The following AGBL4 variants were observed in gnomAD, a reference collection of about 807,000 sequenced individuals.
AGBL4 encodes the protein AGBL carboxypeptidase 4.
In AGBL4, 58 loss-of-function variants were observed where a neutral mutation model predicts 66.4. That is an observed-to-expected ratio of 0.87 (90% CI 0.71 to 1.09). The LOEUF is 1.09. Ranked by LOEUF, AGBL4 falls within the 50% of genes least tolerant of loss-of-function variation. The pLI, the probability that AGBL4 is intolerant of heterozygous loss-of-function variation, is 0.00. For missense variants in AGBL4, 579 were observed against 631.0 expected (o/e 0.92, Z 0.88); for synonymous variants, 234 against 222.9 (o/e 1.05, Z -0.44).
intron 1 of AGBL4, among the ~76,000 whole-genome samples, chr1:49,939,036 C>T (rs1654443959): frequency 6.6e-6 from 1 of 152,192 alleles, no homozygotes; most frequent in East Asian, 1.9e-4. Context: ...ACAAAAATCA[C>T]AAGCATTCTT....
chr1:49,740,641 T>G (rs1020646792), intron 2 of AGBL4, among the ~76,000 whole-genome samples: 1 of 152,138 alleles, frequency 6.6e-6, no homozygotes, highest in African/African-American at 2.4e-5. Context: ...ATTGACCATA[T>G]AGTAGGAAAT....
chr1:49,441,360 T>C (rs565797817), intron 3 of AGBL4, among the ~76,000 whole-genome samples: 1 of 152,318 alleles, frequency 6.6e-6, no homozygotes, highest in African/African-American at 2.4e-5. Context: ...GCATTTAATG[T>C]TGCAGCTCCA....
chr1:49,785,488 T>G (rs1039470131), intron 2 of AGBL4, among the ~76,000 whole-genome samples: 2 of 152,064 alleles, frequency 1.3e-5, no homozygotes, highest in East Asian at 3.8e-4. Context: ...TTTAGAAATT[T>G]TTTAAATCAT....
intron 10 of AGBL4, among the ~76,000 whole-genome samples, chr1:48,587,793 C>A (rs1364516127): frequency 6.6e-6 from 1 of 151,424 alleles, no homozygotes; most frequent in Non-Finnish European, 1.5e-5. Flanking sequence ...CAGGTGCCCA[C>A]CACCACGACT....
intron 6 of AGBL4, among the ~76,000 whole-genome samples, chr1:48,770,535 C>A (rs1008131957): frequency 1.3e-5 from 2 of 152,156 alleles, no homozygotes; most frequent in Non-Finnish European, 2.9e-5. Context: ...TCTGCACTCT[C>A]TCCCACTGTA....
intron 3 of AGBL4, among the ~76,000 whole-genome samples, chr1:49,620,169 C>T (rs1220639823): frequency 2.0e-5 from 3 of 152,012 alleles, no homozygotes; most frequent in Admixed American, 6.6e-5. Context: ...GAAACTATTA[C>T]TAGAGTGAAC....
rs373464981 is a variant in AGBL4, at chr1:49,787,711, C to G, written c.157+63685G>C. Among the ~76,000 whole-genome samples the G allele has an allele frequency of 3.4e-4, 52 of 152,166 alleles. 1 individual carries two copies. The South Asian group carries it at 9.5e-3, about 28-fold the overall frequency. On this transcript the variant is annotated intron_variant, in intron 2 of 13. Coordinates refer to ENST00000371839, the MANE Select transcript of AGBL4 (RefSeq NM_032785.4). ...AAAGCAAAGTCAGCAAAGGGGAAAA[C>G]CACACGGGGTGAAGTCTGGAGAAAA...
At chr1:48,695,386 C>T (rs928539387) in intron 6 of AGBL4, among the ~76,000 whole-genome samples, 3 of 152,202 alleles carry the variant, frequency 2.0e-5, no homozygotes, top group Non-Finnish European at 2.9e-5. Flanking sequence ...TTTACACTGC[C>T]ATTATTCCCC....
intron 3 of AGBL4, among the ~76,000 whole-genome samples, chr1:49,305,989 C>T (rs948860308): frequency 7.2e-5 from 11 of 152,096 alleles, no homozygotes; most frequent in African/African-American, 1.7e-4. Context: ...CGTGCCTGGC[C>T]GGAATTAATT....
intron 2 of AGBL4, among the ~76,000 whole-genome samples, chr1:49,783,988 A>C (rs1025147621): frequency 3.9e-5 from 6 of 152,148 alleles, no homozygotes; most frequent in African/African-American, 1.4e-4. Flanking sequence ...TGTGAAAAGT[A>C]AACAAAGAAA....
intron 5 of AGBL4, among the ~76,000 whole-genome samples, chr1:48,993,646 G>T (rs746366582): frequency 6.6e-6 from 1 of 152,164 alleles, no homozygotes; most frequent in Non-Finnish European, 1.5e-5. Flanking sequence ...ACTCATGGTG[G>T]AGAGGCTTGA....
intron 8 of AGBL4, among the ~76,000 whole-genome samples, chr1:48,645,443 G>A (rs1363700488): frequency 6.6e-6 from 1 of 152,174 alleles, no homozygotes; most frequent in Non-Finnish European, 1.5e-5. Context: ...GGGAGTTGCA[G>A]CTTAGCAGAA....
intron 4 of AGBL4, among the ~76,000 whole-genome samples, chr1:49,163,553 T>C (rs1332963700): frequency 6.6e-6 from 1 of 152,198 alleles, no homozygotes; most frequent in Non-Finnish European, 1.5e-5. Context: ...ACTATGAGCC[T>C]CTCAATGCAA....
intron 3 of AGBL4, among the ~76,000 whole-genome samples, chr1:49,479,703 CTTT>C (rs1351125149): frequency 7.3e-5 from 10 of 136,856 alleles, no homozygotes; most frequent in Non-Finnish European, 9.6e-5. Flanking sequence ...TTCTTTTTTT[CTTT>C]TTTTTTTTTT....
At chr1:49,519,878 C>T (rs765554296) in intron 3 of AGBL4, among the ~76,000 whole-genome samples, 5 of 152,076 alleles carry the variant, frequency 3.3e-5, no homozygotes, top group Non-Finnish European at 7.4e-5. Context: ...GTAGAACTGA[C>T]AATTTCATAA....
chr1:49,841,990 T>C (rs1646005926), intron 2 of AGBL4: 3 of 474,724 alleles, frequency 6.3e-6, no homozygotes, highest in Admixed American at 6.2e-5. Context: ...CACAGTCTCC[T>C]CCTCACACCC....
chr1:49,788,050 G>A (rs946339170), intron 2 of AGBL4, among the ~76,000 whole-genome samples: 6 of 152,098 alleles, frequency 3.9e-5, no homozygotes, highest in South Asian at 2.1e-4. Flanking sequence ...GGCAAAGGCC[G>A]GTCACACAAA....
intron 3 of AGBL4, among the ~76,000 whole-genome samples, chr1:49,563,024 C>T (rs1644092270): frequency 6.6e-6 from 1 of 152,074 alleles, no homozygotes; most frequent in Admixed American, 6.6e-5. Flanking sequence ...AGGTCCTTCA[C>T]ATCCCTTGTA....
At chr1:48,830,272 T>C (rs949927489) in intron 6 of AGBL4, among the ~76,000 whole-genome samples, 1 of 152,236 alleles carries the variant, frequency 6.6e-6, no homozygotes, top group Non-Finnish European at 1.5e-5. Flanking sequence ...CCCAAGTGTT[T>C]CTATGTGCAT....
Sources: allele counts gnomAD v4.1 joint callset (sites outside exome capture counted in the v4.1 genomes callset), GRCh38; gene constraint gnomAD v4.1.1; transcripts MANE v1.5; gene names NCBI Gene and HGNC (gene_info 2026-07-23, HGNC 2026-07-21).